DCDC2C: variants seen among roughly 807,000 people sequenced by gnomAD.
DCDC2C encodes the protein doublecortin domain containing 2C, also known as doublecortin domain-containing protein 2C.
A neutral mutation model predicts 45.0 loss-of-function variants in DCDC2C; 44 were observed. The ratio of observed to expected loss-of-function variants is 0.98; its 90% CI spans 0.77 to 1.26. The LOEUF (loss-of-function observed/expected upper bound fraction) is 1.26, where lower values mean the gene tolerates loss of function less well. Ranked by LOEUF, DCDC2C falls within the 50% of genes most tolerant of loss-of-function variation. The pLI, the probability that DCDC2C is intolerant of heterozygous loss-of-function variation, is 0.00. For synonymous variants in DCDC2C, 187 were observed against 178.8 expected (o/e 1.05, Z -0.37); for missense variants, 447 against 468.9 (o/e 0.95, Z 0.43).
intron 2 of DCDC2C, among the ~76,000 whole-genome samples, chr2:3,718,597 G>A (rs551893377): frequency 1.3e-4 from 20 of 152,276 alleles, no homozygotes; most frequent in African/African-American, 3.4e-4. Flanking sequence ...CCAGGGCCTT[G>A]TGGACTAGGG....
intron 10 of DCDC2C, among the ~76,000 whole-genome samples, chr2:3,827,370 G>C (rs1671852865): frequency 6.6e-6 from 1 of 152,138 alleles, no homozygotes; most frequent in African/African-American, 2.4e-5. Context: ...GGACCGGGGA[G>C]ACAGGAACAC....
At chr2:3,790,552 G>T (rs769203428) in intron 10 of DCDC2C, among the ~76,000 whole-genome samples, 6 of 152,144 alleles carry the variant, frequency 3.9e-5, no homozygotes, top group Non-Finnish European at 8.8e-5. Flanking sequence ...CATTATCTCT[G>T]ACTCAGGATT....
intron 3 of DCDC2C, among the ~76,000 whole-genome samples, chr2:3,741,710 G>C (rs111589707): frequency 2.1e-4 from 32 of 151,598 alleles, no homozygotes; most frequent in Non-Finnish European, 4.3e-4. Context: ...CACACACATA[G>C]GTATACACAC....
chr2:3,779,471 AC>A (rs74388209), intron 9 of DCDC2C, among the ~76,000 whole-genome samples: 19,187 of 152,244 alleles, frequency 0.13, 1,362 homozygotes, highest in East Asian at 0.29. Flanking sequence ...AGATTATGCA[AC>A]TTATCGTCCA....
At chr2:3,786,014 G>C (rs1670642007) in intron 10 of DCDC2C, among the ~76,000 whole-genome samples, 1 of 152,202 alleles carries the variant, frequency 6.6e-6, no homozygotes, top group Non-Finnish European at 1.5e-5. Context: ...TCAACCTCCA[G>C]GAGAGAATAT....
Position 3,836,779 on chromosome 2 carries a change from G to A in DCDC2C, c.1066-10375G>A, listed in dbSNP as rs1459785711. ...CGGGAGGCTGAGGCAGGAGAATGAC[G>A]TGAACCCGGGAGGCGGAGCTTGCAG... On this transcript the variant is annotated intron_variant, in intron 10 of 10. Transcript: ENST00000399143. Among the ~76,000 whole-genome samples the A allele has an allele frequency of 4.6e-5, 7 of 150,810 alleles. No individual in the cohort carries two copies. The South Asian group carries it at 1.3e-3, about 27-fold the overall frequency.
At chr2:3,843,638 A>C (rs9808163) in intron 10 of DCDC2C, among the ~76,000 whole-genome samples, 43,269 of 152,058 alleles carry the variant, frequency 0.28, 6,304 homozygotes, top group East Asian at 0.41. Flanking sequence ...AGTTGGTTCT[A>C]ATGTGTTGGG....
chr2:3,787,875 TG>T (rs1266874341), intron 10 of DCDC2C, among the ~76,000 whole-genome samples: 1 of 152,228 alleles, frequency 6.6e-6, no homozygotes, highest in African/African-American at 2.4e-5. Flanking sequence ...GAATCAGTAT[TG>T]AGGATATTTT....
At chr2:3,719,193 C>T (rs1339740388) in intron 2 of DCDC2C, among the ~76,000 whole-genome samples, 2 of 152,072 alleles carry the variant, frequency 1.3e-5, no homozygotes, top group African/African-American at 2.4e-5. Flanking sequence ...TCATGCTGTT[C>T]TCCTGCCTCA....
chr2:3,771,453 G>A (rs1488617468), intron 8 of DCDC2C, among the ~76,000 whole-genome samples: 2 of 152,346 alleles, frequency 1.3e-5, no homozygotes, highest in African/African-American at 2.4e-5. Context: ...CGTGGGAGGC[G>A]CCACTCTCAT....
intron 10 of DCDC2C, among the ~76,000 whole-genome samples, chr2:3,826,609 G>C (rs186924751): frequency 6.6e-6 from 1 of 152,138 alleles, no homozygotes; most frequent in Admixed American, 6.5e-5. Flanking sequence ...ATCTTGAAGC[G>C]TGCTAGCTGG....
At chr2:3,782,118 G>A (rs529326824) in intron 9 of DCDC2C, among the ~76,000 whole-genome samples, 6 of 152,100 alleles carry the variant, frequency 3.9e-5, no homozygotes, top group African/African-American at 1.2e-4. Flanking sequence ...CCTGTCCTGC[G>A]CTAACTCCCC....
intron 1 of DCDC2C, among the ~76,000 whole-genome samples, chr2:3,705,902 A>G (rs1489829128): frequency 6.6e-6 from 1 of 152,228 alleles, no homozygotes; most frequent in African/African-American, 2.4e-5. Flanking sequence ...CGTGTGGCAG[A>G]CAGCCTGGGT....
intron 10 of DCDC2C, among the ~76,000 whole-genome samples, chr2:3,831,719 A>G (rs1026327784): frequency 8.5e-5 from 13 of 152,228 alleles, no homozygotes; most frequent in Admixed American, 7.9e-4. Flanking sequence ...TGTGTGGTGG[A>G]ACGTGTAGAA....
chr2:3,752,092 C>A (rs1040399374), intron 4 of DCDC2C, among the ~76,000 whole-genome samples: 3 of 152,208 alleles, frequency 2.0e-5, no homozygotes, highest in African/African-American at 4.8e-5. Flanking sequence ...GTGAAGCCTG[C>A]AGCTGGGTTC....
chr2:3,788,659 G>A (rs1670718661), intron 10 of DCDC2C: 1 of 152,202 alleles, frequency 6.6e-6, no homozygotes, highest in South Asian at 2.1e-4. Context: ...CACTTTGTAA[G>A]TTTCAGGACA....
intron 6 of DCDC2C, among the ~76,000 whole-genome samples, chr2:3,760,816 G>T (rs1037322808): frequency 6.6e-6 from 1 of 150,828 alleles, no homozygotes; most frequent in Non-Finnish European, 1.5e-5. Context: ...TGCACGTTCT[G>T]CACATGTATC....
At chr2:3,820,325 T>G (rs1671656809) in intron 10 of DCDC2C, among the ~76,000 whole-genome samples, 1 of 152,154 alleles carries the variant, frequency 6.6e-6, no homozygotes, top group African/African-American at 2.4e-5. Context: ...GAAGAGGTTT[T>G]AAGTTTTTGA....
intron 10 of DCDC2C, among the ~76,000 whole-genome samples, chr2:3,801,704 C>T (rs1218555958): frequency 1.3e-5 from 2 of 152,250 alleles, no homozygotes; most frequent in Non-Finnish European, 2.9e-5. Context: ...CTGTTAACTG[C>T]TCCTTGGCTT....
Sources: gnomAD v4.1 joint callset for allele counts (sites outside exome capture counted in the v4.1 genomes callset) on GRCh38, gnomAD v4.1.1 for gene constraint, MANE v1.5 for transcripts, NCBI Gene and HGNC (gene_info 2026-07-23, HGNC 2026-07-21) for gene names.